OR9Q1: variants seen among roughly 807,000 people sequenced by gnomAD.
The protein encoded by OR9Q1 is olfactory receptor 9Q1.
For missense variants in OR9Q1, 374 were observed against 378.8 expected (o/e 0.99, Z 0.11); for synonymous variants, 153 against 148.6 (o/e 1.03, Z -0.22).
chr11:58,045,115 T>C (rs1295969837), intron 1 of OR9Q1: 2 of 152,244 alleles, frequency 1.3e-5, no homozygotes, highest in African/African-American at 2.4e-5. Flanking sequence ...ATCCCCAAGA[T>C]ATTTCCTTAT....
chr11:58,060,973 T>A (rs1373863278), intron 2 of OR9Q1, among the ~76,000 whole-genome samples: 1 of 152,176 alleles, frequency 6.6e-6, no homozygotes, highest in African/African-American at 2.4e-5. Flanking sequence ...ATTGCTGAAC[T>A]CTTTCTACTT....
chr11:58,046,632 C>G (rs546257120), intron 1 of OR9Q1, among the ~76,000 whole-genome samples: 1 of 152,046 alleles, frequency 6.6e-6, no homozygotes, highest in Non-Finnish European at 1.5e-5. Context: ...GAGGCTGAGG[C>G]GGGTGGATCG....
chr11:58,074,002 A>G (rs1279459574), intron 2 of OR9Q1, among the ~76,000 whole-genome samples: 1 of 152,174 alleles, frequency 6.6e-6, no homozygotes, highest in Non-Finnish European at 1.5e-5. Flanking sequence ...TTATGGCTGC[A>G]TAGTAGTCCA....
chr11:58,037,134 C>T (rs1045133949), intron 1 of OR9Q1, among the ~76,000 whole-genome samples: 4 of 152,118 alleles, frequency 2.6e-5, no homozygotes, highest in African/African-American at 9.7e-5. Context: ...CAGCAGCCAT[C>T]GATATTGAGG....
At chr11:58,079,259 T>A (rs1853567103) in intron 2 of OR9Q1, among the ~76,000 whole-genome samples, 1 of 151,948 alleles carries the variant, frequency 6.6e-6, no homozygotes, top group South Asian at 2.1e-4. Context: ...TTTTTTTTTT[T>A]ATCTTGCTGG....
At chr11:58,153,511 T>A (rs1251950942) in intron 2 of OR9Q1, among the ~76,000 whole-genome samples, 2 of 151,816 alleles carry the variant, frequency 1.3e-5, no homozygotes, top group East Asian at 3.9e-4. Flanking sequence ...ATAGGAGCAA[T>A]GACCTCTCAG....
chr11:58,079,508 G>A (rs941298219), intron 2 of OR9Q1, among the ~76,000 whole-genome samples: 4 of 152,062 alleles, frequency 2.6e-5, no homozygotes, highest in Non-Finnish European at 5.9e-5. Flanking sequence ...ATACCTCGAA[G>A]CAACTCTCAT....
chr11:58,025,664 T>C (rs1313092798), intron 1 of OR9Q1, among the ~76,000 whole-genome samples: 1 of 152,194 alleles, frequency 6.6e-6, no homozygotes, highest in Non-Finnish European at 1.5e-5. Context: ...TTCCATCAGA[T>C]ATTCATTCCG....
intron 2 of OR9Q1, among the ~76,000 whole-genome samples, chr11:58,122,532 C>T (rs1177665688): frequency 6.6e-6 from 1 of 152,134 alleles, no homozygotes; most frequent in Non-Finnish European, 1.5e-5. Flanking sequence ...GGTATTTAGG[C>T]TCTGTATCTA....
intron 2 of OR9Q1, among the ~76,000 whole-genome samples, chr11:58,126,642 T>C (rs557303598): frequency 6.6e-6 from 1 of 152,314 alleles, no homozygotes; most frequent in African/African-American, 2.4e-5. Context: ...AAATTCTACC[T>C]TCCAATACAT....
At chr11:58,172,439 C>T (rs1177421507) in intron 2 of OR9Q1, among the ~76,000 whole-genome samples, 1 of 152,184 alleles carries the variant, frequency 6.6e-6, no homozygotes, top group African/African-American at 2.4e-5. Flanking sequence ...TGGGAAACAC[C>T]ATCCTGATTA....
At chr11:58,174,360 A>C (rs936449180) in intron 2 of OR9Q1, among the ~76,000 whole-genome samples, 2 of 152,138 alleles carry the variant, frequency 1.3e-5, no homozygotes, top group Admixed American at 6.6e-5. Flanking sequence ...GCCGAGCCCA[A>C]GCCCAGCCTA....
At chr11:58,118,254 G>C (rs1315740252) in intron 2 of OR9Q1, 1 of 347,156 alleles carries the variant, frequency 2.9e-6, no homozygotes, top group Non-Finnish European at 5.2e-6. Flanking sequence ...TGTGACATTA[G>C]AGAATATTAA....
At chr11:58,041,765 T>C (rs1853165978) in intron 1 of OR9Q1, 1 of 152,196 alleles carries the variant, frequency 6.6e-6, no homozygotes, top group Non-Finnish European at 1.5e-5. Flanking sequence ...TTCTACAACT[T>C]GTGATGGCTT....
At chr11:58,037,740 A>G (rs189647775) in intron 1 of OR9Q1, among the ~76,000 whole-genome samples, 1,036 of 68,382 alleles carry the variant, frequency 0.015, 31 homozygotes, top group African/African-American at 0.055. Context: ...TTTTTTTGAG[A>G]CGGAGTCTCA....
At chr11:58,148,139 C>T (rs143732236) in intron 2 of OR9Q1, among the ~76,000 whole-genome samples, 79 of 152,122 alleles carry the variant, frequency 5.2e-4, no homozygotes, top group South Asian at 1.0e-3. Context: ...TCACTTAGAG[C>T]GACACCAAAA....
At chr11:58,092,856 T>G (rs1245164767) in intron 2 of OR9Q1, among the ~76,000 whole-genome samples, 1 of 152,224 alleles carries the variant, frequency 6.6e-6, no homozygotes, top group African/African-American at 2.4e-5. Flanking sequence ...ACGAGTGGAT[T>G]CAATACTATT....
chr11:58,170,674 A>C (rs1004363095), intron 2 of OR9Q1, among the ~76,000 whole-genome samples: 1 of 152,104 alleles, frequency 6.6e-6, no homozygotes, highest in Non-Finnish European at 1.5e-5. Flanking sequence ...GTAATGAATA[A>C]GTCTCATGAG....
chr11:58,074,193 G>C (rs748583807), intron 2 of OR9Q1, among the ~76,000 whole-genome samples: 5 of 152,144 alleles, frequency 3.3e-5, no homozygotes, highest in African/African-American at 1.2e-4. Context: ...ACAGTAATGG[G>C]ATTGTTGAGT....
Sources: gnomAD v4.1 joint callset for allele counts (sites outside exome capture counted in the v4.1 genomes callset) on GRCh38, gnomAD v4.1.1 for gene constraint, MANE v1.5 for transcripts, NCBI Gene and HGNC (gene_info 2026-07-23, HGNC 2026-07-21) for gene names.